The following FGF12 variants were observed in gnomAD, a reference collection of about 807,000 sequenced individuals.
The protein encoded by FGF12 is fibroblast growth factor 12B.
Under a neutral mutation model 23.6 loss-of-function variants are expected in FGF12, and 14 were observed. The ratio of observed to expected loss-of-function variants is 0.59; its 90% CI spans 0.39 to 0.93. FGF12 has a LOEUF of 0.93. Ranked by LOEUF, FGF12 falls within the 40% of genes least tolerant of loss-of-function variation. The pLI is 0.00. For missense variants in FGF12, 175 were observed against 217.8 expected (o/e 0.80, Z 1.24); for synonymous variants, 62 against 77.3 (o/e 0.80, Z 1.04).
chr3:192,718,987 T>G (rs1468255890), intron 2 of FGF12, among the ~76,000 whole-genome samples: 1 of 149,616 alleles, frequency 6.7e-6, no homozygotes, highest in African/African-American at 2.5e-5. Context: ...GCAAACCGAG[T>G]TAAAAAAAAA....
chr3:192,588,432 T>C (rs1422831280), intron 2 of FGF12, among the ~76,000 whole-genome samples: 1 of 150,558 alleles, frequency 6.6e-6, no homozygotes, highest in Non-Finnish European at 1.5e-5. Flanking sequence ...ACAGTAATGA[T>C]GTTAGGAACA....
chr3:192,331,535 A>C (rs548021865), intron 4 of FGF12, among the ~76,000 whole-genome samples: 8 of 152,242 alleles, frequency 5.3e-5, no homozygotes, highest in Non-Finnish European at 7.4e-5. Context: ...ATCCTGTCAT[A>C]TTCTACAACA....
chr3:192,679,904 G>A (rs1304028509), intron 2 of FGF12, among the ~76,000 whole-genome samples: 1 of 152,140 alleles, frequency 6.6e-6, no homozygotes, highest in African/African-American at 2.4e-5. Context: ...AATTCTTCCT[G>A]AGCTGGGGCA....
intron 2 of FGF12, among the ~76,000 whole-genome samples, chr3:192,467,045 T>C (rs1428659716): frequency 3.3e-5 from 5 of 152,222 alleles, no homozygotes; most frequent in Admixed American, 2.6e-4. Flanking sequence ...TTCTTATTTA[T>C]AATTTTTAGG....
intron 4 of FGF12, among the ~76,000 whole-genome samples, chr3:192,267,885 A>T (rs1282283095): frequency 2.6e-5 from 4 of 152,200 alleles, no homozygotes; most frequent in Admixed American, 6.5e-5. Flanking sequence ...AATTTCTAAC[A>T]ACGCACCTTT....
At chr3:192,337,676 T>C (rs1717486490) in intron 3 of FGF12, among the ~76,000 whole-genome samples, 1 of 152,192 alleles carries the variant, frequency 6.6e-6, no homozygotes, top group Non-Finnish European at 1.5e-5. Flanking sequence ...ATCTGTAAAA[T>C]GGACATGATA....
Position 192,714,369 on chromosome 3 carries a change from T to C in FGF12, c.13+12812A>G, listed in dbSNP as rs1718791922. On this transcript the variant is annotated intron_variant, in intron 2 of 5. Transcript: ENST00000445105. Reference sequence around the variant, plus strand: ...GGGTGAGTTTGGAGACAAACATATTTCTGAAGTGAGTCTTCATATATTTAA... The same window carrying C: ...GGGTGAGTTTGGAGACAAACATATTCCTGAAGTGAGTCTTCATATATTTAA... Among the ~76,000 whole-genome samples the C allele has an allele frequency of 3.3e-5, 5 of 152,246 alleles. No individual in the cohort carries two copies. In the South Asian group the frequency reaches 1.0e-3, roughly 32 times the overall value.
At chr3:192,369,600 A>G (rs1719133101) in intron 2 of FGF12, among the ~76,000 whole-genome samples, 1 of 152,216 alleles carries the variant, frequency 6.6e-6, no homozygotes, top group African/African-American at 2.4e-5. Context: ...GCCAATAGGG[A>G]CAAGGTTTTT....
At chr3:192,264,688 T>C (rs1464931760) in intron 4 of FGF12, among the ~76,000 whole-genome samples, 4 of 152,118 alleles carry the variant, frequency 2.6e-5, no homozygotes, top group African/African-American at 9.7e-5. Context: ...TAGAATCTTA[T>C]GATGATTTGA....
At chr3:192,696,700 T>C (rs1330847906) in intron 2 of FGF12, among the ~76,000 whole-genome samples, 1 of 152,102 alleles carries the variant, frequency 6.6e-6, no homozygotes, top group Non-Finnish European at 1.5e-5. Flanking sequence ...ATTATTGTTC[T>C]GTAGGCTTTA....
intron 2 of FGF12, among the ~76,000 whole-genome samples, chr3:192,504,787 C>T (rs1180067405): frequency 6.6e-6 from 1 of 152,054 alleles, no homozygotes; most frequent in Non-Finnish European, 1.5e-5. Context: ...TAGACCCAGA[C>T]CTTCCCTCTG....
intron 2 of FGF12, among the ~76,000 whole-genome samples, chr3:192,664,616 A>AAAAAAAAAAAC (rs1716793614): frequency 6.7e-6 from 1 of 148,604 alleles, no homozygotes. Flanking sequence ...AAAAAAAAAA[A>AAAAAAAAAAAC]AAAGCTGGGC....
chr3:192,639,027 A>G (rs927141881), intron 2 of FGF12, among the ~76,000 whole-genome samples: 4 of 152,222 alleles, frequency 2.6e-5, no homozygotes, highest in African/African-American at 9.6e-5. Flanking sequence ...ATGAATTGGG[A>G]AAAAAATATT....
At chr3:192,193,874 C>T (rs535074555) in intron 4 of FGF12, among the ~76,000 whole-genome samples, 2 of 152,098 alleles carry the variant, frequency 1.3e-5, no homozygotes, top group East Asian at 1.9e-4. Flanking sequence ...CAATTACAGT[C>T]GGCTCATCTT....
Position 192,273,754 on chromosome 3 carries a change from C to T in FGF12, c.228+61607G>A, listed in dbSNP as rs146626432. ...CATAAAACTTCTTCTTTAAAAAATG[C>T]TTGCAAAAATAATAGATAGGAGGAT... On this transcript the variant is annotated intron_variant, in intron 4 of 5. Transcript: ENST00000445105. 8.2e-3 allele frequency among the ~76,000 whole-genome samples: 1,247 copies of T among 152,170 alleles called. 11 individuals are homozygous for T. The highest frequency in any genetic ancestry group is 0.012 in the Non-Finnish European group (813 of 67,988).
intron 2 of FGF12, among the ~76,000 whole-genome samples, chr3:192,538,157 A>G (rs1725277275): frequency 6.6e-6 from 1 of 152,074 alleles, no homozygotes; most frequent in Non-Finnish European, 1.5e-5. Flanking sequence ...CATTTTGGCC[A>G]GACTGGTCTC....
chr3:192,359,390 A>G (rs1387119305), intron 3 of FGF12, among the ~76,000 whole-genome samples: 1 of 152,192 alleles, frequency 6.6e-6, no homozygotes, highest in East Asian at 1.9e-4. Context: ...AAATTACTTT[A>G]TGCAGTTTGG....
At chr3:192,372,651 C>T (rs191463588) in intron 2 of FGF12, among the ~76,000 whole-genome samples, 4 of 152,230 alleles carry the variant, frequency 2.6e-5, no homozygotes, top group Admixed American at 6.5e-5. Context: ...TTCAGGCCAT[C>T]GAGTGCTCTG....
At chr3:192,432,894 T>TGA (rs1377075714) in intron 2 of FGF12, among the ~76,000 whole-genome samples, 1 of 152,112 alleles carries the variant, frequency 6.6e-6, no homozygotes, top group Admixed American at 6.6e-5. Flanking sequence ...TTATGCAGCA[T>TGA]GAGAGAACTA....
Sources: gnomAD v4.1 joint callset for allele counts (sites outside exome capture counted in the v4.1 genomes callset) on GRCh38, gnomAD v4.1.1 for gene constraint, MANE v1.5 for transcripts, NCBI Gene and HGNC (gene_info 2026-07-23, HGNC 2026-07-21) for gene names.